Variants in ANKRD30BL observed in about 807,000 individuals in gnomAD.
ANKRD30BL encodes putative ankyrin repeat domain-containing protein 30B-like.
Under a neutral mutation model 18.4 loss-of-function variants are expected in ANKRD30BL, and 20 were observed. The ratio of observed to expected loss-of-function variants is 1.09; its 90% confidence interval spans 0.77 to 1.58. ANKRD30BL has a LOEUF of 1.58. ANKRD30BL is among the 40% of genes most tolerant of loss of function. The pLI is 0.00. For synonymous variants in ANKRD30BL, 72 were observed against 100.9 expected (o/e 0.71, Z 1.72); for missense variants, 224 against 268.6 (o/e 0.83, Z 1.16).
At chr2:132,249,604 A>AT (rs1680597068) in intron 1 of ANKRD30BL, among the ~76,000 whole-genome samples, 1 of 151,224 alleles carries the variant, frequency 6.6e-6, no homozygotes, top group African/African-American at 2.4e-5. Flanking sequence ...TCAAAAAAAA[A>AT]GTTTCTCAGA....
intron 1 of ANKRD30BL, among the ~76,000 whole-genome samples, chr2:132,198,190 T>C (rs1344569266): frequency 1.3e-5 from 2 of 151,942 alleles, no homozygotes; most frequent in Admixed American, 6.6e-5. Flanking sequence ...GTATAGTTTT[T>C]ATTATTTTCA....
chr2:132,254,465 C>G (rs1412398810), intron 1 of ANKRD30BL, among the ~76,000 whole-genome samples: 1 of 151,368 alleles, frequency 6.6e-6, no homozygotes, highest in South Asian at 2.1e-4. Flanking sequence ...ACCCAGCGGG[C>G]TGATCCGAGG....
chr2:132,210,474 C>G (rs994124309), intron 1 of ANKRD30BL, among the ~76,000 whole-genome samples: 1 of 152,004 alleles, frequency 6.6e-6, no homozygotes, highest in Non-Finnish European at 1.5e-5. Flanking sequence ...TTGAAACACT[C>G]TTTTTGTAAA....
chr2:132,186,962 G>C (rs1214904683), intron 1 of ANKRD30BL, among the ~76,000 whole-genome samples: 3 of 151,802 alleles, frequency 2.0e-5, no homozygotes, highest in Non-Finnish European at 4.4e-5. Context: ...ATATGTGCCA[G>C]GTTGAAAATT....
intron 1 of ANKRD30BL, among the ~76,000 whole-genome samples, chr2:132,226,746 C>G (rs140842801): frequency 6.6e-6 from 1 of 151,588 alleles, no homozygotes; most frequent in Non-Finnish European, 1.5e-5. Context: ...GTGATGTGTG[C>G]GTTCATCTCA....
intron 1 of ANKRD30BL, among the ~76,000 whole-genome samples, chr2:132,182,682 A>G (rs1431759707): frequency 6.6e-6 from 1 of 152,186 alleles, no homozygotes; most frequent in Non-Finnish European, 1.5e-5. Flanking sequence ...GTCTAAAAAC[A>G]TCTTAAAAGA....
intron 1 of ANKRD30BL, among the ~76,000 whole-genome samples, chr2:132,175,556 G>A (rs139418624): frequency 0.017 from 2,563 of 152,328 alleles, 78 homozygotes; most frequent in African/African-American, 0.057. Flanking sequence ...AACTGCAAGA[G>A]GCTTTCCTGT....
intron 1 of ANKRD30BL, among the ~76,000 whole-genome samples, chr2:132,210,201 A>AC (rs1441360599): frequency 2.6e-5 from 4 of 151,462 alleles, no homozygotes; most frequent in African/African-American, 9.7e-5. Flanking sequence ...AAATATCTTC[A>AC]CATAAAAACT....
chr2:132,195,577 G>T (rs888601816), intron 1 of ANKRD30BL, among the ~76,000 whole-genome samples: 5 of 151,688 alleles, frequency 3.3e-5, no homozygotes, highest in South Asian at 2.1e-4. Flanking sequence ...AATCATCTGA[G>T]GTCGGGAGTT....
At chr2:132,221,734 G>A (rs1679692411) in intron 1 of ANKRD30BL, among the ~76,000 whole-genome samples, 1 of 110,782 alleles carries the variant, frequency 9.0e-6, no homozygotes, top group Non-Finnish European at 1.8e-5. Context: ...CCGTCCGGGA[G>A]GTGAGGGGCG....
intron 1 of ANKRD30BL, among the ~76,000 whole-genome samples, chr2:132,226,415 C>G (rs796571537): frequency 2.0e-5 from 3 of 149,600 alleles, no homozygotes; most frequent in African/African-American, 7.6e-5. Context: ...ATTCTTCTCA[C>G]AGAGTTGAAA....
chr2:132,238,409 G>A (rs1680220809), intron 1 of ANKRD30BL, among the ~76,000 whole-genome samples: 1 of 151,424 alleles, frequency 6.6e-6, no homozygotes, highest in South Asian at 2.1e-4. Context: ...GTGGATATTT[G>A]GACAGCTTTG....
chr2:132,181,399 G>C (rs1435918989), intron 1 of ANKRD30BL, among the ~76,000 whole-genome samples: 1 of 151,956 alleles, frequency 6.6e-6, no homozygotes, highest in African/African-American at 2.4e-5. Context: ...CTTGAACCCA[G>C]GAGGGAGAGG....
intron 1 of ANKRD30BL, among the ~76,000 whole-genome samples, chr2:132,180,424 CAAT>C (rs926150381): frequency 1.3e-5 from 2 of 152,206 alleles, no homozygotes; most frequent in African/African-American, 2.4e-5. Context: ...TCTATTTGCA[CAAT>C]AACAAAACTG....
intron 1 of ANKRD30BL, among the ~76,000 whole-genome samples, chr2:132,173,665 T>A (rs1204499610): frequency 6.6e-6 from 1 of 152,160 alleles, no homozygotes; most frequent in Admixed American, 6.5e-5. Flanking sequence ...TGTAATTATT[T>A]TTTTTTTACT....
In ANKRD30BL at chr2:132,173,544, G is replaced by A. The variant is rs188007612; in HGVS notation, n.442-16398C>T. Among the ~76,000 whole-genome samples, 514 of 151,696 alleles carry A rather than the reference G, an allele frequency of 3.4e-3. 5 individuals carry two copies. Among genetic ancestry groups the A allele is most frequent in the African/African-American group, 0.011 (472 of 41,376 alleles). On this transcript the variant is annotated intron_variant and non_coding_transcript_variant, in intron 1 of 4. Transcript: ENST00000470729. ...GATTTCCTCACCTCGTGATCCACCC[G>A]CCTCAGCCTCCCAAAGTGCTGGGAT...
intron 1 of ANKRD30BL, among the ~76,000 whole-genome samples, chr2:132,207,873 G>A: frequency 6.6e-6 from 1 of 152,158 alleles, no homozygotes; most frequent in Non-Finnish European, 1.5e-5. Context: ...AATGATGGAA[G>A]ACTGGTTGTA....
rs1309356699 is a variant in ANKRD30BL at position 132,157,416 on chromosome 2, G to C, written c.226C>G (p.Leu76Val). ...TGGCCATTGGCACAGGCCCAGTATA[G>C]AGCAGTCCTACAAGAATGAGAGGCC... ...NIRDAKKRTALYWACANGHAE... is the reference protein window; with the variant it reads ...NIRDAKKRTAVYWACANGHAE... The change falls in exon 2 of 6, where the codon CTA (leucine) becomes GTA (valine). Residue 76 changes from leucine (L) to valine (V), a missense_variant. Physicochemically the swap from Leu to Val is conservative, Grantham distance 32. Around this residue, in one of 3 missense-constraint regions of ANKRD30BL, gnomAD observed 131 missense variants for 128.8 expected, o/e 1.02. Coordinates refer to ENST00000409867, the MANE Select transcript of ANKRD30BL (RefSeq NM_001358416.1). The C allele has an allele frequency of 1.4e-6, 1 of 708,818 alleles. No homozygotes were observed. Among genetic ancestry groups the C allele is most frequent in the Admixed American group, 2.1e-5 (1 of 48,344 alleles). The allele number at this position is 708,818 out of a possible 1,614,324, so 43.9% of individuals were successfully genotyped here.
At chr2:132,256,161 G>A (rs1036609259) in intron 1 of ANKRD30BL, among the ~76,000 whole-genome samples, 32 of 152,244 alleles carry the variant, frequency 2.1e-4, no homozygotes, top group Non-Finnish European at 4.0e-4. Context: ...TAATCTTTGA[G>A]ACAAGCATAT....
Sources: gnomAD v4.1 joint callset for allele counts (sites outside exome capture counted in the v4.1 genomes callset) on GRCh38, gnomAD v4.1.1 for gene constraint, gnomAD v4.1.1 regional missense constraint, MANE v1.5 for transcripts, NCBI Gene and HGNC (gene_info 2026-07-23, HGNC 2026-07-21) for gene names.